CLASP1: variants seen among roughly 807,000 people sequenced by gnomAD.
CLASP1 encodes the protein CLIP-associating protein 1.
In CLASP1, 38 loss-of-function variants were observed where a neutral mutation model predicts 192.3. The ratio of observed to expected loss-of-function variants is 0.20; its 90% CI spans 0.15 to 0.26. The LOEUF is 0.26. Ranked by LOEUF, CLASP1 falls within the 10% of genes least tolerant of loss-of-function variation. The pLI is 1.00. For synonymous variants in CLASP1, 691 were observed against 712.8 expected (o/e 0.97, Z 0.49); for missense variants, 1,433 against 1,932.5 (o/e 0.74, Z 4.85).
At chr2:121,646,679 A>G (rs2073222854) in intron 1 of CLASP1, among the ~76,000 whole-genome samples, 1 of 152,224 alleles carries the variant, frequency 6.6e-6, no homozygotes, top group African/African-American at 2.4e-5. Flanking sequence ...CCAAGAAGCC[A>G]TCTCATTCAA....
chr2:121,362,248 C>T (rs1172262155), intron 37 of CLASP1, among the ~76,000 whole-genome samples: 1 of 152,244 alleles, frequency 6.6e-6, no homozygotes, highest in Non-Finnish European at 1.5e-5. Flanking sequence ...TCCCACAGTT[C>T]CTTTTACTGA....
intron 2 of CLASP1, among the ~76,000 whole-genome samples, chr2:121,536,378 GAAAAAAAAAAAAA>G (rs59632661): frequency 4.1e-5 from 2 of 48,310 alleles, no homozygotes; most frequent in African/African-American, 8.6e-5. Context: ...AAGACTGTCT[GAAAAAAAAAAAAA>G]AAAAAAAAAA....
At position 121,407,410 on chromosome 2, in the gene CLASP1, A is replaced by C. The variant is rs1011088838; in HGVS notation, c.2669+61T>G. On this transcript the variant is annotated intron_variant, in intron 25 of 39. Coordinates refer to ENST00000263710, the Ensembl canonical transcript of CLASP1. The stretch of plus-strand genomic sequence containing the variant: ...CCATTAATTATAGGAAATCCCTTTA[A>C]ACCCCTGAAGAGTCCAACAGGAGAT... The C allele has an allele frequency of 1.6e-5, 26 of 1,584,626 alleles. No homozygotes were observed. The East Asian group carries it at 5.8e-4, about 36-fold the overall frequency.
At chr2:121,647,127 G>C (rs368044242) in intron 1 of CLASP1, among the ~76,000 whole-genome samples, 2 of 151,916 alleles carry the variant, frequency 1.3e-5, no homozygotes, top group African/African-American at 4.8e-5. Context: ...CAGCACTTCG[G>C]AAGGCCAAGG....
intron 14 of CLASP1, among the ~76,000 whole-genome samples, chr2:121,455,036 C>T (rs2086324601): frequency 6.6e-6 from 1 of 152,118 alleles, no homozygotes; most frequent in African/African-American, 2.4e-5. Context: ...TCATAATCAT[C>T]CCTCTGGCAT....
intron 34 of CLASP1, among the ~76,000 whole-genome samples, chr2:121,374,620 G>A (rs758576572): frequency 6.6e-6 from 1 of 152,250 alleles, no homozygotes; most frequent in African/African-American, 2.4e-5. Flanking sequence ...AGCCACAAGG[G>A]TGGAGCTGCC....
intron 2 of CLASP1, among the ~76,000 whole-genome samples, chr2:121,538,426 A>T (rs192117695): frequency 0.012 from 1,844 of 151,762 alleles, 40 homozygotes; most frequent in African/African-American, 0.041. Context: ...AAATTTTTTT[A>T]AAAAAAGTAT....
chr2:121,407,364 A>G, intron 25 of CLASP1, 107 bp downstream of exon 26: 1 of 1,276,696 alleles, frequency 7.8e-7, no homozygotes, highest in Non-Finnish European at 1.1e-6. Context: ...TGGTATCTCC[A>G]TTAATTATAG....
rs753656065 is a variant in CLASP1 at position 121,620,498 on chromosome 2, C to T, written c.-285-14318G>A. On this transcript the variant is annotated intron_variant, in intron 1 of 39. Transcript: ENST00000263710. Reference sequence around the variant, plus strand: ...CCAAGTAGCTGGGACTACAGGTACGCGTCACCACGCCCAGCTAAATTTTGT... The same window carrying T: ...CCAAGTAGCTGGGACTACAGGTACGTGTCACCACGCCCAGCTAAATTTTGT... Among the ~76,000 whole-genome samples the T allele has an allele frequency of 3.9e-5, 6 of 152,130 alleles. No individual in the cohort carries two copies. The East Asian group carries it at 7.8e-4, about 20-fold the overall frequency.
intron 25 of CLASP1, 95 bp from the exon 27 acceptor site, chr2:121,404,529 C>T (rs1292917358): frequency 1.8e-5 from 19 of 1,081,554 alleles, no homozygotes; most frequent in East Asian, 1.3e-4. Context: ...TGCAGTGGTG[C>T]GATCATAGCT....
At chr2:121,523,771 A>G (rs1015805884) in intron 6 of CLASP1, among the ~76,000 whole-genome samples, 4 of 152,210 alleles carry the variant, frequency 2.6e-5, no homozygotes, top group Non-Finnish European at 5.9e-5. Context: ...TTGCAGAAGC[A>G]AAATTTGAGG....
At chr2:121,490,686 C>A (rs1382138275) in intron 8 of CLASP1, among the ~76,000 whole-genome samples, 1 of 152,170 alleles carries the variant, frequency 6.6e-6, no homozygotes, top group Non-Finnish European at 1.5e-5. Flanking sequence ...GCAGCTTATG[C>A]GACTTATGCT....
intron 14 of CLASP1, among the ~76,000 whole-genome samples, chr2:121,452,842 C>T (rs1333537795): frequency 6.6e-6 from 1 of 152,130 alleles, no homozygotes; most frequent in African/African-American, 2.4e-5. Context: ...CTAAGTCTAG[C>T]ATTTCTATTT....
intron 6 of CLASP1, among the ~76,000 whole-genome samples, chr2:121,520,663 G>A (rs1031624198): frequency 3.3e-5 from 5 of 152,244 alleles, no homozygotes; most frequent in Non-Finnish European, 7.3e-5. Context: ...CTGCCAGCCT[G>A]CCTGCAAAAG....
At chr2:121,553,403 C>CT in intron 2 of CLASP1, among the ~76,000 whole-genome samples, 1 of 152,110 alleles carries the variant, frequency 6.6e-6, no homozygotes, top group African/African-American at 2.4e-5. Context: ...AGGTACTGCA[C>CT]TTTTTAAAAA....
At chr2:121,554,083 G>A (rs962908226) in intron 2 of CLASP1, among the ~76,000 whole-genome samples, 1 of 151,856 alleles carries the variant, frequency 6.6e-6, no homozygotes, top group African/African-American at 2.4e-5. Flanking sequence ...GTGTGTGGTG[G>A]CGTGTGCCTG....
intron 8 of CLASP1, among the ~76,000 whole-genome samples, chr2:121,476,079 T>C (rs2091574027): frequency 6.6e-6 from 1 of 151,980 alleles, no homozygotes; most frequent in African/African-American, 2.4e-5. Context: ...GTAGACATAA[T>C]GAAGGGAAAA....
chr2:121,528,884 A>C, intron 3 of CLASP1, 104 bp from the exon 4 acceptor site: 1 of 845,846 alleles, frequency 1.2e-6, no homozygotes, highest in East Asian at 2.4e-5. Context: ...CCCTGACCTA[A>C]ATGATGTATC....
intron 19 of CLASP1, among the ~76,000 whole-genome samples, chr2:121,446,350 G>A (rs1225699969): frequency 6.6e-6 from 1 of 152,100 alleles, no homozygotes; most frequent in Non-Finnish European, 1.5e-5. Context: ...AGATTCCACG[G>A]CCTACTCCAG....
Sources: gnomAD v4.1 joint callset for allele counts (sites outside exome capture counted in the v4.1 genomes callset) on GRCh38, gnomAD v4.1.1 for gene constraint, MANE v1.5 for transcripts, NCBI Gene and HGNC (gene_info 2026-07-23, HGNC 2026-07-21) for gene names.